ALDH1L1: variants seen among roughly 807,000 people sequenced by gnomAD.
The protein encoded by ALDH1L1 is aldehyde dehydrogenase 1 family member L1, also known as cytosolic 10-formyltetrahydrofolate dehydrogenase.
Under a neutral mutation model 101.1 loss-of-function variants are expected in ALDH1L1, and 68 were observed. The observed-to-expected ratio is 0.67, with a 90% CI of 0.55 to 0.82. The LOEUF (loss-of-function observed/expected upper bound fraction) is 0.82, where lower values mean the gene tolerates loss of function less well. ALDH1L1 is among the 40% of genes least tolerant of loss of function. ALDH1L1 has a pLI of 0.00. For synonymous variants in ALDH1L1, 486 were observed against 470.8 expected, an observed-to-expected ratio of 1.03 and a Z score of -0.42; for missense variants, 1,087 against 1,172.7, an observed-to-expected ratio of 0.93 and a Z score of 1.07.
intron 1 of ALDH1L1, among the ~76,000 whole-genome samples, chr3:126,191,038 T>G (rs1157019366): frequency 6.6e-6 from 1 of 152,158 alleles, no homozygotes; most frequent in Non-Finnish European, 1.5e-5. Context: ...AGCCCAAGAC[T>G]CATCAACAAA....
intron 1 of ALDH1L1, among the ~76,000 whole-genome samples, chr3:126,175,177 T>C (rs933905461): frequency 6.6e-6 from 1 of 152,128 alleles, no homozygotes; most frequent in African/African-American, 2.4e-5. Context: ...AAGTACAACG[T>C]TCCAAAACTC....
intron 1 of ALDH1L1, among the ~76,000 whole-genome samples, chr3:126,179,175 C>T (rs1045588063): frequency 6.6e-6 from 1 of 152,240 alleles, no homozygotes; most frequent in African/African-American, 2.4e-5. Context: ...CCTCCTCCCC[C>T]AGTCATGGCC....
At position 126,171,809 on chromosome 3, in the gene ALDH1L1, T is replaced by C. The variant is rs79610339; in HGVS notation, c.-24+8667A>G. On this transcript the variant is annotated intron_variant, in intron 1 of 22. Coordinates refer to ENST00000393434, the MANE Select transcript of ALDH1L1 (RefSeq NM_012190.4). ...TAAAAGGGGTAGGACTGAGAAACAC[T>C]TGTGAAGGTCACAGCCCAGGGGTGC... 3.2e-4 allele frequency among the ~76,000 whole-genome samples: 48 copies of C among 152,298 alleles called. 1 individual carries two copies. In the East Asian group the frequency reaches 6.2e-3, roughly 20 times the overall value.
chr3:126,105,802 A>C lies in ALDH1L1; in HGVS notation c.2577T>G (p.Phe859Leu). Reference sequence around the variant, plus strand: ...CGTCGGTCTTGTTGTACGTGTTGACAAACACAGTGCCTGCCTGGAGCTTGT... The same window carrying C: ...CGTCGGTCTTGTTGTACGTGTTGACCAACACAGTGCCTGCCTGGAGCTTGT... Reference protein sequence around the residue: ...VSDKLQAGTVFVNTYNKTDVA... With the variant: ...VSDKLQAGTVLVNTYNKTDVA... Residue 859 changes from phenylalanine (F) to leucine (L), a missense_variant, in exon 22 of 23, where the codon TTT (phenylalanine) becomes TTG (leucine). By Grantham distance (22) the Phe-to-Leu change is conservative. Coordinates refer to ENST00000393434, the MANE Select transcript of ALDH1L1 (RefSeq NM_012190.4). 6.2e-7 allele frequency: 1 copy of C among 1,614,218 alleles called. No homozygotes were observed. The highest frequency in any genetic ancestry group is 8.5e-7 in the Non-Finnish European group (1 of 1,180,046).
chr3:126,139,633 A>G (rs1376767856), intron 9 of ALDH1L1, among the ~76,000 whole-genome samples: 1 of 152,226 alleles, frequency 6.6e-6, no homozygotes, highest in Non-Finnish European at 1.5e-5. Context: ...AATATGTTCA[A>G]TGAGACAAAG....
chr3:126,135,412 C>T (rs1160902066), intron 12 of ALDH1L1, 123 bp downstream of exon 12: 3 of 1,389,178 alleles, frequency 2.2e-6, no homozygotes, highest in Non-Finnish European at 2.9e-6. Flanking sequence ...GGCCTCGGTC[C>T]CATAGCCTCC....
chr3:126,192,514 A>G (rs2081558744), intron 1 of ALDH1L1, among the ~76,000 whole-genome samples: 1 of 152,174 alleles, frequency 6.6e-6, no homozygotes, highest in Non-Finnish European at 1.5e-5. Context: ...GCCTGTGGAG[A>G]GCACAACAGA....
chr3:126,180,652 A>G (rs1160355892), upstream of ALDH1L1: 8 of 1,327,454 alleles, frequency 6.0e-6, no homozygotes, highest in East Asian at 2.4e-4. Flanking sequence ...GGGCGGGCGG[A>G]GAGTCAGCCG....
At position 126,176,218 on chromosome 3, in the gene ALDH1L1, T is replaced by C. The variant is rs145308804; in HGVS notation, c.-24+4258A>G. ...TAAATGAAGAGATAGTACATGTTCA[T>C]GGGTAGGGAAACTCTATACTGTCCA... On this transcript the variant is annotated intron_variant, in intron 1 of 22. Transcript: ENST00000393434. 8.5e-3 allele frequency among the ~76,000 whole-genome samples: 1,289 copies of C among 152,286 alleles called. 13 individuals are homozygous for C. The highest frequency in any genetic ancestry group is 0.03 in the African/African-American group (1,240 of 41,576).
At chr3:126,133,411 A>G (rs1412656470) in intron 12 of ALDH1L1, among the ~76,000 whole-genome samples, 1 of 152,044 alleles carries the variant, frequency 6.6e-6, no homozygotes, top group African/African-American at 2.4e-5. Flanking sequence ...CCTGCAGCCC[A>G]CTAAAGCTTG....
At chr3:126,165,980 C>CT (rs960588809) in intron 1 of ALDH1L1, among the ~76,000 whole-genome samples, 3 of 151,216 alleles carry the variant, frequency 2.0e-5, no homozygotes, top group African/African-American at 7.3e-5. Context: ...TTGGTTTGTT[C>CT]TTTTTTTCTA....
intron 20 of ALDH1L1, among the ~76,000 whole-genome samples, chr3:126,109,044 A>G (rs1206341472): frequency 2.0e-5 from 3 of 152,240 alleles, no homozygotes; most frequent in Non-Finnish European, 4.4e-5. Context: ...AGGGAGGCAG[A>G]GGAGGCCCAG....
rs1403059738 is a variant in ALDH1L1, at chr3:126,114,593, G to A, written c.2046C>T (p.Ile682=). ...CCTTGTTGAGGTCACAGTCAGCAAA[G>A]ATGATGAGGGGTGACTTCCCGCCCA... ...LELGGKSPLI[I]FADCDLNKAV... The change falls in exon 18 of 23, where the codon ATC becomes ATT. Residue 682 remains isoleucine, a synonymous_variant. Coordinates refer to ENST00000393434, the MANE Select transcript of ALDH1L1 (RefSeq NM_012190.4). 4 of 1,511,318 alleles carry A rather than the reference G, an allele frequency of 2.6e-6. No individual in the cohort carries two copies. In the South Asian group the frequency reaches 5.4e-5, roughly 20 times the overall value. The allele number at this position is 1,511,318 out of a possible 1,614,324, so 93.6% of individuals were successfully genotyped here. A position where few individuals can be genotyped will look rare whatever the true frequency, so the allele number is the denominator to read the frequency against.
At position 126,107,160 on chromosome 3, in the gene ALDH1L1, T is replaced by A; in HGVS notation, c.2434A>T (p.Ile812Phe). 3 of 1,613,984 alleles carry A rather than the reference T, an allele frequency of 1.9e-6. No homozygotes were observed. Among genetic ancestry groups the A allele is most frequent in the Non-Finnish European group, 2.5e-6 (3 of 1,179,938 alleles). ...CCCTACCCATCAGCAAACCGAGAGATGATCATGACAGGCCCGAAGGACTCC... is the reference window on the plus strand; with the variant it reads ...CCCTACCCATCAGCAAACCGAGAGAAGATCATGACAGGCCCGAAGGACTCC... The part of the protein sequence containing the change: ...KEESFGPVMI[I>F]SRFADGDLDA... The change falls in exon 21 of 23, where the codon ATC (isoleucine) becomes TTC (phenylalanine). Residue 812 changes from isoleucine to phenylalanine, a missense_variant. Physicochemically the swap from Ile to Phe is conservative, Grantham distance 21 (BLOSUM62 0). Transcript: ENST00000393434.
intron 3 of ALDH1L1, among the ~76,000 whole-genome samples, chr3:126,158,117 C>T (rs2080954830): frequency 6.6e-6 from 1 of 152,032 alleles, no homozygotes; most frequent in Non-Finnish European, 1.5e-5. Flanking sequence ...CTTCTGGTGC[C>T]CTCTCTGTCT....
chr3:126,114,953 G>T, intron 17 of ALDH1L1: 1 of 495,724 alleles, frequency 2.0e-6, no homozygotes, highest in South Asian at 1.5e-5. Flanking sequence ...GTGCCTCCCT[G>T]ATCGCCCCGT....
intron 1 of ALDH1L1, among the ~76,000 whole-genome samples, chr3:126,189,336 A>G (rs576843388): frequency 6.6e-6 from 1 of 152,232 alleles, no homozygotes; most frequent in Non-Finnish European, 1.5e-5. Context: ...CATTAAGAGA[A>G]GAGTTTAGTT....
intron 1 of ALDH1L1, among the ~76,000 whole-genome samples, chr3:126,186,585 G>A (rs565354608): frequency 6.6e-6 from 1 of 152,322 alleles, no homozygotes; most frequent in East Asian, 1.9e-4. Flanking sequence ...TGTAGGGACT[G>A]CTTGGGAGAT....
intron 11 of ALDH1L1, among the ~76,000 whole-genome samples, chr3:126,136,165 T>C (rs1348418428): frequency 2.6e-5 from 4 of 152,176 alleles, no homozygotes; most frequent in Non-Finnish European, 4.4e-5. Flanking sequence ...TTAACTCCTC[T>C]CAAATGACTC....
Sources: allele counts gnomAD v4.1 joint callset (sites outside exome capture counted in the v4.1 genomes callset), GRCh38; gene constraint gnomAD v4.1.1; transcripts MANE v1.5; gene names NCBI Gene and HGNC (gene_info 2026-07-23, HGNC 2026-07-21).